Variants in LHFPL3 observed in about 807,000 individuals in gnomAD.
The protein encoded by LHFPL3 is LHFPL tetraspan subfamily member 3 protein.
Under a neutral mutation model 19.3 loss-of-function variants are expected in LHFPL3, and 5 were observed. That is an observed-to-expected ratio of 0.26 (90% CI 0.14 to 0.54). The LOEUF is 0.54. Among genes scored for constraint, LHFPL3 ranks in the 20% least tolerant of loss-of-function variants. The probability of loss-of-function intolerance (pLI) is 0.94; values close to 1 mark genes in which losing one functional copy is unlikely to be tolerated. For synonymous variants in LHFPL3, 133 were observed against 126.2 expected, an observed-to-expected ratio of 1.05 and a Z score of -0.36; for missense variants, 249 against 307.4, an observed-to-expected ratio of 0.81 and a Z score of 1.42.
chr7:104,506,353 T>C (rs1159541520), intron 1 of LHFPL3, among the ~76,000 whole-genome samples: 2 of 152,190 alleles, frequency 1.3e-5, no homozygotes, highest in Admixed American at 1.3e-4. Context: ...GGACTCAGCT[T>C]AGATACACCT....
chr7:104,409,377 A>G (rs1791491258), intron 1 of LHFPL3, among the ~76,000 whole-genome samples: 1 of 151,936 alleles, frequency 6.6e-6, no homozygotes, highest in African/African-American at 2.4e-5. Context: ...AACTGAAAGC[A>G]TATTGGGTGA....
At chr7:104,600,738 G>T (rs1790947038) in intron 1 of LHFPL3, among the ~76,000 whole-genome samples, 1 of 152,134 alleles carries the variant, frequency 6.6e-6, no homozygotes, top group Non-Finnish European at 1.5e-5. Context: ...GCCTATAAGG[G>T]GATGTACTGT....
intron 1 of LHFPL3, among the ~76,000 whole-genome samples, chr7:104,685,719 C>T (rs1280764682): frequency 2.0e-5 from 3 of 152,218 alleles, no homozygotes; most frequent in African/African-American, 7.2e-5. Flanking sequence ...AGATTCCGTT[C>T]ATTCAACAAG....
intron 2 of LHFPL3, among the ~76,000 whole-genome samples, chr7:104,836,256 A>T (rs191479350): frequency 1.3e-5 from 2 of 152,168 alleles, no homozygotes; most frequent in South Asian, 4.1e-4. Context: ...ACAAGAGCCC[A>T]ATCCTTTAGG....
At chr7:104,724,214 A>C (rs1404190580) in intron 1 of LHFPL3, among the ~76,000 whole-genome samples, 8 of 152,168 alleles carry the variant, frequency 5.3e-5, no homozygotes, top group Non-Finnish European at 4.4e-5. Flanking sequence ...GCACTCAAGC[A>C]TTAATGTGGA....
chr7:104,762,770 GAATCT>G (rs1485761082), intron 2 of LHFPL3, among the ~76,000 whole-genome samples: 1 of 152,138 alleles, frequency 6.6e-6, no homozygotes, highest in Non-Finnish European at 1.5e-5. Context: ...TAAAGATGAA[GAATCT>G]AAGGTTTAAG....
chr7:104,412,141 A>G (rs1323173098), intron 1 of LHFPL3, among the ~76,000 whole-genome samples: 3 of 147,206 alleles, frequency 2.0e-5, no homozygotes, highest in Admixed American at 1.3e-4. Flanking sequence ...AACAAGAGCT[A>G]TGATTTGGAA....
chr7:104,424,720 G>A (rs371885273), intron 1 of LHFPL3, among the ~76,000 whole-genome samples: 4 of 152,188 alleles, frequency 2.6e-5, no homozygotes, highest in South Asian at 2.1e-4. Flanking sequence ...GGCCGGGCGC[G>A]GTGGCTCACG....
intron 2 of LHFPL3, among the ~76,000 whole-genome samples, chr7:104,741,671 G>A (rs945126350): frequency 1.3e-5 from 2 of 151,988 alleles, no homozygotes; most frequent in Non-Finnish European, 2.9e-5. Flanking sequence ...GAGTAGCTAG[G>A]ACTACAAGTG....
In LHFPL3 at chr7:104,596,077, A is replaced by G. The variant is rs57615466; in HGVS notation, c.446-140598A>G. On this transcript the variant is annotated intron_variant, in intron 1 of 2. Transcript: ENST00000424859. ...CTCCGTGGGCTGCACCCACTGTCCA[A>G]TCAGTCCCAGTGAGATGAACCAGGT... Among the ~76,000 whole-genome samples, 436 of 152,330 alleles carry G rather than the reference A, an allele frequency of 2.9e-3. 1 individual carries two copies. The highest frequency in any genetic ancestry group is 0.01 in the African/African-American group (418 of 41,578).
chr7:104,702,545 C>CA (rs1376351098), intron 1 of LHFPL3, among the ~76,000 whole-genome samples: 2 of 152,002 alleles, frequency 1.3e-5, no homozygotes, highest in Non-Finnish European at 2.9e-5. Context: ...ACAAAAATGC[C>CA]AAAAAAGGAG....
At chr7:104,864,300 C>T (rs777033248) in intron 2 of LHFPL3, among the ~76,000 whole-genome samples, 6 of 152,032 alleles carry the variant, frequency 3.9e-5, no homozygotes, top group African/African-American at 9.7e-5. Context: ...GAGCATGAGC[C>T]AAAGCAGGGC....
At chr7:104,745,408 C>T (rs1429979184) in intron 2 of LHFPL3, among the ~76,000 whole-genome samples, 3 of 152,312 alleles carry the variant, frequency 2.0e-5, no homozygotes, top group East Asian at 3.9e-4. Flanking sequence ...AAACAAAACT[C>T]TTCTTATTTA....
At chr7:104,843,920 C>T (rs568326200) in intron 2 of LHFPL3, among the ~76,000 whole-genome samples, 1 of 152,256 alleles carries the variant, frequency 6.6e-6, no homozygotes, top group East Asian at 1.9e-4. Context: ...TGAGCAAATG[C>T]ACCACTGGGA....
At chr7:104,521,259 T>C (rs1187755700) in intron 1 of LHFPL3, among the ~76,000 whole-genome samples, 1 of 152,192 alleles carries the variant, frequency 6.6e-6, no homozygotes, top group African/African-American at 2.4e-5. Flanking sequence ...TGAGTGGTTT[T>C]GAGTGAGATT....
chr7:104,775,848 C>A (rs1794627828), intron 2 of LHFPL3, among the ~76,000 whole-genome samples: 3 of 78,372 alleles, frequency 3.8e-5, no homozygotes, highest in Non-Finnish European at 5.3e-5. Flanking sequence ...GAGTTCTTTT[C>A]TGTCTTTTTT....
chr7:104,677,188 C>T (rs573799071), intron 1 of LHFPL3, among the ~76,000 whole-genome samples: 1 of 151,186 alleles, frequency 6.6e-6, no homozygotes, highest in South Asian at 2.1e-4. Flanking sequence ...CCAGCCTGGG[C>T]AACACAGTGA....
chr7:104,383,572 T>C (rs1481293256), intron 1 of LHFPL3, among the ~76,000 whole-genome samples: 5 of 152,244 alleles, frequency 3.3e-5, no homozygotes, highest in East Asian at 1.9e-4. Context: ...AAGGTGATCC[T>C]ATAAAGGAGC....
At chr7:104,824,154 A>ATATATATATATAT (rs759743157) in intron 2 of LHFPL3, among the ~76,000 whole-genome samples, 1 of 14,462 alleles carries the variant, frequency 6.9e-5, no homozygotes, top group Non-Finnish European at 1.3e-4. Flanking sequence ...GTTTCAAAAA[A>ATATATATATATAT]AATATATATA....
Sources: allele counts gnomAD v4.1 joint callset (sites outside exome capture counted in the v4.1 genomes callset), GRCh38; gene constraint gnomAD v4.1.1; transcripts MANE v1.5; gene names NCBI Gene and HGNC (gene_info 2026-07-23, HGNC 2026-07-21).